The following IL31RA variants were observed in gnomAD, a reference collection of about 807,000 sequenced individuals.
The protein encoded by IL31RA is interleukin 31 receptor A.
IL31RA carries 66 observed loss-of-function variants against 83.7 expected under a neutral mutation model. The ratio of observed to expected loss-of-function variants is 0.79; its 90% confidence interval spans 0.65 to 0.97. IL31RA has a LOEUF of 0.97. Ranked by LOEUF, IL31RA falls within the 50% of genes least tolerant of loss-of-function variation. The pLI is 0.00. For missense variants in IL31RA, 798 were observed against 919.4 expected (o/e 0.87, Z 1.71); for synonymous variants, 325 against 329.0 (o/e 0.99, Z 0.13).
intron 1 of IL31RA, among the ~76,000 whole-genome samples, chr5:55,856,513 G>A (rs1487493884): frequency 6.6e-6 from 1 of 152,226 alleles, no homozygotes; most frequent in Non-Finnish European, 1.5e-5. Context: ...ATTTGGGGAG[G>A]CTGATTCACC....
At chr5:55,895,366 T>C (rs943369524) in intron 6 of IL31RA, among the ~76,000 whole-genome samples, 6 of 152,236 alleles carry the variant, frequency 3.9e-5, no homozygotes, top group African/African-American at 1.4e-4. Flanking sequence ...CATTCAACTA[T>C]AAATTGCCAG....
chr5:55,906,373 A>G lies in IL31RA; in HGVS notation c.1252+85A>G, dbSNP rs113956135. 1.1e-5 allele frequency: 15 copies of G among 1,309,064 alleles called. No homozygotes were observed. The African/African-American group carries it at 1.4e-4, about 13-fold the overall frequency. The allele number at this position is 1,309,064 out of a possible 1,614,324, so 81.1% of individuals were successfully genotyped here. The stretch of plus-strand genomic sequence containing the variant: ...TTTTTAGATCTTTAACTTTGGCTTC[A>G]AAGCTGTTAGTGTGGTTAATAGCAT... On this transcript the variant is annotated intron_variant, in intron 9 of 14. Coordinates refer to ENST00000652347, the MANE Select transcript of IL31RA (RefSeq NM_139017.7).
intron 3 of IL31RA, among the ~76,000 whole-genome samples, chr5:55,871,912 G>T (rs1746530705): frequency 1.3e-5 from 2 of 151,654 alleles, no homozygotes; most frequent in Non-Finnish European, 2.9e-5. Context: ...ATATGTAAAA[G>T]AATAAATTTT....
At chr5:55,892,056 T>C (rs1219809731) in intron 6 of IL31RA, among the ~76,000 whole-genome samples, 1 of 152,108 alleles carries the variant, frequency 6.6e-6, no homozygotes, top group African/African-American at 2.4e-5. Flanking sequence ...ATTACAGGCA[T>C]GAGCCACTGT....
chr5:55,890,077 G>T lies in IL31RA; in HGVS notation c.714G>T (p.Lys238Asn). Residue 238 changes from lysine to asparagine, a missense_variant, in exon 6 of 15, where the codon AAG becomes AAT. Physicochemically the swap from Lys to Asn is moderately conservative, Grantham distance 94 (BLOSUM62 0). Transcript: ENST00000652347. ...EYVIALRCAVKESKFWSDWSQ... is the reference protein window; with the variant it reads ...EYVIALRCAVNESKFWSDWSQ... ...TCATAGCTCTGCGATGTGCGGTCAAGGAGTCAAAGTTCTGGAGTGACTGGA... is the reference window on the plus strand; with the variant it reads ...TCATAGCTCTGCGATGTGCGGTCAATGAGTCAAAGTTCTGGAGTGACTGGA... 6.2e-7 allele frequency: 1 copy of T among 1,613,974 alleles called. No homozygotes were observed. Among genetic ancestry groups the T allele is most frequent in the Non-Finnish European group, 8.5e-7 (1 of 1,179,896 alleles).
chr5:55,904,424 A>G (rs1002898774), intron 8 of IL31RA, among the ~76,000 whole-genome samples: 1 of 152,208 alleles, frequency 6.6e-6, no homozygotes, highest in Admixed American at 6.5e-5. Flanking sequence ...ACTTTCAGCC[A>G]GGACTGGCTG....
At chr5:55,863,832 AT>A (rs1282892523) in intron 2 of IL31RA, among the ~76,000 whole-genome samples, 3 of 152,226 alleles carry the variant, frequency 2.0e-5, no homozygotes, top group Non-Finnish European at 4.4e-5. Context: ...TGAAAAACAG[AT>A]ATTTAACTCT....
In IL31RA at chr5:55,920,530, C is replaced by T. The variant is rs549049839; in HGVS notation, c.*3410C>T. 2.7e-4 allele frequency among the ~76,000 whole-genome samples: 41 copies of T among 152,344 alleles called. No individual in the cohort carries two copies. The highest frequency in any genetic ancestry group is 2.3e-3 in the South Asian group (11 of 4,832). On this transcript the variant is annotated 3_prime_UTR_variant, in exon 15 of 15. Transcript: ENST00000652347. ...CCCATCGTTGACCTATTCCCTATGG[C>T]GGCTTGCCCCTACAAAGGCAGAGTT...
rs1314692427 is a variant in IL31RA at position 55,916,817 on chromosome 5, A to G, written c.1992A>G (p.Leu664=). 3.7e-6 allele frequency: 6 copies of G among 1,614,092 alleles called. No homozygotes were observed. Among genetic ancestry groups the G allele is most frequent in the Non-Finnish European group, 5.1e-6 (6 of 1,180,032 alleles). ...DEARTGQENN[L]GGEKNGYVTC... ...CCAGAACGGGTCAGGAAAACAATTTAGGAGGGGAAAAGAATGGGTATGTGA... is the reference window on the plus strand; with the variant it reads ...CCAGAACGGGTCAGGAAAACAATTTGGGAGGGGAAAAGAATGGGTATGTGA... The change falls in exon 15 of 15, where the codon TTA becomes TTG. Residue 664 remains leucine (L), a synonymous_variant. Transcript: ENST00000652347.
intron 3 of IL31RA, among the ~76,000 whole-genome samples, chr5:55,869,624 C>T (rs1488621511): frequency 4.6e-5 from 7 of 152,098 alleles, no homozygotes; most frequent in Non-Finnish European, 1.0e-4. Flanking sequence ...TGGGTGCACA[C>T]CACCATACCT....
Position 55,851,518 on chromosome 5 carries a change from A to G in IL31RA, c.-53A>G. The G allele has an allele frequency of 6.2e-7, 1 of 1,613,976 alleles. No homozygotes were observed. Among genetic ancestry groups the G allele is most frequent in the Non-Finnish European group, 8.5e-7 (1 of 1,179,908 alleles). On this transcript the variant is annotated 5_prime_UTR_variant, in exon 1 of 15. The change abolishes an upstream ATG in the 5' untranslated region. Transcript: ENST00000652347. ...CCATGAAAAGACATGTGTGTGCAGT[A>G]TGAAAATTGAGACAGGAAGGCAGAG...
chr5:55,898,646 G>T (rs891239277), intron 7 of IL31RA, among the ~76,000 whole-genome samples: 5 of 140,188 alleles, frequency 3.6e-5, no homozygotes, highest in Non-Finnish European at 6.1e-5. Context: ...ATTTTAAAAA[G>T]ATTTTAAATA....
At chr5:55,907,509 C>A (rs1223536884) in intron 10 of IL31RA, 49 bp downstream of exon 10, 3 of 1,233,380 alleles carry the variant, frequency 2.4e-6, no homozygotes, top group African/African-American at 1.5e-5. Context: ...TGTGACCTGT[C>A]CCACATGCCG....
chr5:55,909,513 A>T (rs1336192277), intron 11 of IL31RA, among the ~76,000 whole-genome samples: 1 of 152,164 alleles, frequency 6.6e-6, no homozygotes, highest in East Asian at 1.9e-4. Context: ...ACTACTCCAC[A>T]CTATACATTT....
chr5:55,907,460 G>C lies in IL31RA; in HGVS notation c.1354G>C (p.Val452Leu). The C allele has an allele frequency of 6.3e-7, 1 of 1,594,220 alleles. No individual in the cohort carries two copies. Among genetic ancestry groups the C allele is most frequent in the South Asian group, 1.1e-5 (1 of 90,660 alleles). ...CATCCAGGCTTATGCCAAAGAAGGC[G>C]GTATGAATGGACAAGACCCTGTGGG... ...YSIQAYAKEG[V>L]PSEGPETKVE... Residue 452 changes from valine to leucine, a missense_variant and splice_region_variant, in exon 10 of 15, where the codon GTT (valine) becomes CTT (leucine). By Grantham distance (32) the Val-to-Leu change is conservative. Coordinates refer to ENST00000652347, the MANE Select transcript of IL31RA (RefSeq NM_139017.7).
the IL31RA span, among the ~76,000 whole-genome samples, chr5:55,846,021 C>T: frequency 6.6e-6 from 1 of 152,136 alleles, no homozygotes; most frequent in African/African-American, 2.4e-5. Flanking sequence ...TTATACTTGT[C>T]CACACTGAGC....
chr5:55,865,925 G>A (rs900723120), intron 2 of IL31RA, among the ~76,000 whole-genome samples: 1 of 152,186 alleles, frequency 6.6e-6, no homozygotes, highest in African/African-American at 2.4e-5. Context: ...GTGGGAATAA[G>A]TCCTTGTGTT....
chr5:55,867,488 A>G (rs1211747528), intron 2 of IL31RA, among the ~76,000 whole-genome samples: 1 of 152,094 alleles, frequency 6.6e-6, no homozygotes, highest in Non-Finnish European at 1.5e-5. Flanking sequence ...AATCATCAAA[A>G]TATTAAAGAA....
At chr5:55,893,891 A>C (rs1229723812) in intron 6 of IL31RA, among the ~76,000 whole-genome samples, 1 of 147,464 alleles carries the variant, frequency 6.8e-6, no homozygotes, top group Non-Finnish European at 1.5e-5. Flanking sequence ...AGCTCACTGC[A>C]GCCTCCGCCT....
Sources: allele counts gnomAD v4.1 joint callset (sites outside exome capture counted in the v4.1 genomes callset), GRCh38; gene constraint gnomAD v4.1.1; transcripts MANE v1.5; gene names NCBI Gene and HGNC (gene_info 2026-07-23, HGNC 2026-07-21).